The following APBB2 variants were observed in gnomAD, a reference collection of about 807,000 sequenced individuals.
APBB2 encodes amyloid beta precursor protein binding family B member 2.
APBB2 carries 38 observed loss-of-function variants against 82.5 expected under a neutral mutation model. The observed-to-expected ratio is 0.46, with a 90% CI of 0.36 to 0.60. APBB2 has a LOEUF of 0.60. Ranked by LOEUF, APBB2 falls within the 20% of genes least tolerant of loss-of-function variation. The pLI, the probability that APBB2 is intolerant of heterozygous loss-of-function variation, is 0.00. For missense variants in APBB2, 772 were observed against 972.3 expected (o/e 0.79, Z 2.74); for synonymous variants, 341 against 368.2 (o/e 0.93, Z 0.85).
At chr4:40,860,211 G>A (rs1262882587) in intron 12 of APBB2, among the ~76,000 whole-genome samples, 1 of 152,184 alleles carries the variant, frequency 6.6e-6, no homozygotes, top group African/African-American at 2.4e-5. Flanking sequence ...GGAATGTTGT[G>A]CCTGACTGGG....
intron 1 of APBB2, among the ~76,000 whole-genome samples, chr4:41,182,436 A>G (rs764245856): frequency 6.6e-6 from 1 of 152,244 alleles, no homozygotes; most frequent in Non-Finnish European, 1.5e-5. Context: ...TTCATGATTT[A>G]TAAATCACAT....
At chr4:41,147,944 A>AT (rs1429242800) in intron 1 of APBB2, among the ~76,000 whole-genome samples, 5 of 152,166 alleles carry the variant, frequency 3.3e-5, no homozygotes, top group Non-Finnish European at 5.9e-5. Flanking sequence ...GATTTACTGC[A>AT]TTAACTTACT....
At chr4:40,920,702 T>C (rs13138058) in intron 10 of APBB2, among the ~76,000 whole-genome samples, 91,001 of 151,988 alleles carry the variant, frequency 0.6, 27,448 homozygotes, top group Non-Finnish European at 0.64. Flanking sequence ...TGAAACTTCA[T>C]CTCTACTAAA....
intron 2 of APBB2, among the ~76,000 whole-genome samples, chr4:41,128,656 A>G (rs1167724558): frequency 1.3e-5 from 2 of 152,200 alleles, no homozygotes; most frequent in African/African-American, 2.4e-5. Flanking sequence ...TGTATCAGGC[A>G]GTGTTCTAGG....
At chr4:41,179,697 C>T (rs1277681759) in intron 1 of APBB2, among the ~76,000 whole-genome samples, 1 of 152,078 alleles carries the variant, frequency 6.6e-6, no homozygotes, top group Non-Finnish European at 1.5e-5. Context: ...GAATTACTGC[C>T]GTATTAATAC....
chr4:40,926,395 T>TC (rs1203767325), intron 10 of APBB2, among the ~76,000 whole-genome samples: 1 of 152,064 alleles, frequency 6.6e-6, no homozygotes, highest in Admixed American at 6.5e-5. Context: ...TCCAATTCCT[T>TC]CACCCATTCC....
At chr4:41,153,846 ATTGGTT>A (rs1160702997) in intron 1 of APBB2, among the ~76,000 whole-genome samples, 1 of 152,090 alleles carries the variant, frequency 6.6e-6, no homozygotes, top group Non-Finnish European at 1.5e-5. Flanking sequence ...TTTGAATTTT[ATTGGTT>A]TTGTAGTTTT....
chr4:41,014,430 CA>C (rs1809298718), intron 5 of APBB2, 32 bp from the exon 6 acceptor site: 1 of 1,573,958 alleles, frequency 6.4e-7, no homozygotes, highest in Admixed American at 1.8e-5. Flanking sequence ...AGACACCTGC[CA>C]TGATTAAACT....
intron 3 of APBB2, among the ~76,000 whole-genome samples, chr4:41,086,073 T>A (rs1739544823): frequency 6.6e-6 from 1 of 152,060 alleles, no homozygotes; most frequent in African/African-American, 2.4e-5. Flanking sequence ...AGATAACCTA[T>A]ATGAAAAGAA....
chr4:41,108,600 C>T (rs955352182), intron 2 of APBB2, among the ~76,000 whole-genome samples: 2 of 152,158 alleles, frequency 1.3e-5, no homozygotes, highest in Non-Finnish European at 2.9e-5. Flanking sequence ...TGTGCAGGTG[C>T]GGACATTTCC....
chr4:41,119,062 C>T (rs1010701762), intron 2 of APBB2, among the ~76,000 whole-genome samples: 2 of 152,080 alleles, frequency 1.3e-5, no homozygotes, highest in African/African-American at 4.8e-5. Context: ...TGGTTTGAGC[C>T]CTGGAGGTTG....
At chr4:40,837,299 C>T (rs529458184) in intron 12 of APBB2, among the ~76,000 whole-genome samples, 1 of 152,346 alleles carries the variant, frequency 6.6e-6, no homozygotes, top group East Asian at 1.9e-4. Flanking sequence ...CCACTGCAGG[C>T]ACCTTTGAGG....
intron 5 of APBB2, among the ~76,000 whole-genome samples, chr4:41,027,615 T>G (rs752894124): frequency 6.6e-6 from 1 of 152,110 alleles, no homozygotes; most frequent in African/African-American, 2.4e-5. Flanking sequence ...TCCAGTTCCT[T>G]TTATTATAAA....
intron 10 of APBB2, among the ~76,000 whole-genome samples, chr4:40,910,397 C>T (rs1026568889): frequency 2.6e-5 from 4 of 152,006 alleles, no homozygotes; most frequent in Non-Finnish European, 4.4e-5. Flanking sequence ...CACTACCATA[C>T]CCGGCTAATT....
chr4:40,921,337 T>TG, intron 10 of APBB2, among the ~76,000 whole-genome samples: 1 of 152,166 alleles, frequency 6.6e-6, no homozygotes, highest in Non-Finnish European at 1.5e-5. Context: ...TTTAAGGAAG[T>TG]TGTTTAGGTT....
chr4:40,857,711 C>G (rs140087422), intron 12 of APBB2, among the ~76,000 whole-genome samples: 1 of 151,900 alleles, frequency 6.6e-6, no homozygotes, highest in Admixed American at 6.6e-5. Flanking sequence ...CTCAAGTGAG[C>G]CGCCCGCCTC....
At chr4:40,959,649 C>A (rs1378256138) in intron 6 of APBB2, among the ~76,000 whole-genome samples, 1 of 152,154 alleles carries the variant, frequency 6.6e-6, no homozygotes, top group African/African-American at 2.4e-5. Flanking sequence ...CAGCATATTA[C>A]AATTACAAGC....
intron 10 of APBB2, among the ~76,000 whole-genome samples, chr4:40,927,774 C>T (rs1348841838): frequency 6.6e-6 from 1 of 152,158 alleles, no homozygotes. Context: ...CATGAGCCAC[C>T]GCGCCCAGCC....
intron 6 of APBB2, among the ~76,000 whole-genome samples, chr4:41,010,055 G>T (rs937637889): frequency 1.3e-5 from 2 of 152,128 alleles, no homozygotes; most frequent in African/African-American, 4.8e-5. Context: ...TGTGATTAAA[G>T]CAAAGTGATT....
Sources: gnomAD v4.1 joint callset for allele counts (sites outside exome capture counted in the v4.1 genomes callset) on GRCh38, gnomAD v4.1.1 for gene constraint, MANE v1.5 for transcripts, NCBI Gene and HGNC (gene_info 2026-07-23, HGNC 2026-07-21) for gene names.